The following FAM133B variants were observed in gnomAD, a reference collection of about 807,000 sequenced individuals.
The protein encoded by FAM133B is family with sequence similarity 133 member B.
Under a neutral mutation model 46.4 loss-of-function variants are expected in FAM133B, and 25 were observed. The ratio of observed to expected loss-of-function variants is 0.54; its 90% confidence interval spans 0.39 to 0.75. The LOEUF is 0.75. Among genes scored for constraint, FAM133B ranks in the 30% least tolerant of loss-of-function variants. FAM133B has a pLI of 0.00. For synonymous variants in FAM133B, 75 were observed against 86.0 expected (o/e 0.87, Z 0.71); for missense variants, 205 against 277.6 (o/e 0.74, Z 1.86).
At chr7:92,571,771 T>C (rs893548041) in intron 8 of FAM133B, among the ~76,000 whole-genome samples, 1 of 152,230 alleles carries the variant, frequency 6.6e-6, no homozygotes, top group Non-Finnish European at 1.5e-5. Flanking sequence ...GTACTAGTAC[T>C]GCACTGTGTT....
At chr7:92,590,019 A>T (rs1312801113) in intron 1 of FAM133B, 1 of 589,778 alleles carries the variant, frequency 1.7e-6, no homozygotes, top group Non-Finnish European at 3.0e-6. Context: ...AGTGCAAACC[A>T]GCAGCGCCAG....
chr7:92,585,874 C>G (rs1795023896), intron 1 of FAM133B, among the ~76,000 whole-genome samples: 1 of 152,008 alleles, frequency 6.6e-6, no homozygotes, highest in Non-Finnish European at 1.5e-5. Flanking sequence ...GACAAAAATC[C>G]AACCACAATA....
rs1258023272 is a variant in FAM133B, at chr7:92,562,359, T to C, written c.667A>G (p.Lys223Glu). The C allele has an allele frequency of 2.0e-6, 3 of 1,532,090 alleles. No individual in the cohort carries two copies. Among genetic ancestry groups the C allele is most frequent in the African/African-American group, 2.8e-5 (2 of 72,612 alleles). The allele number at this position is 1,532,090 out of a possible 1,614,324, so 94.9% of individuals were successfully genotyped here. A position where few individuals can be genotyped will look rare whatever the true frequency, so the allele number is the denominator to read the frequency against. Residue 223 changes from lysine (K) to glutamate (E), a missense_variant, in exon 11 of 11, where the codon AAA (lysine) becomes GAA (glutamate). Physicochemically the swap from Lys to Glu is moderately conservative, Grantham distance 56. Coordinates refer to ENST00000445716, the MANE Select transcript of FAM133B (RefSeq NM_152789.4). ...EEREKATEKT[K>E]KKKKHKKHSK... ...TGTTTCTTATGCTTCTTTTTCTTTT[T>C]TGTTTTTTCCTGTAAAGATAATTCC...
chr7:92,566,932 C>T (rs1434686028), intron 9 of FAM133B, among the ~76,000 whole-genome samples: 4 of 152,020 alleles, frequency 2.6e-5, no homozygotes, highest in Non-Finnish European at 4.4e-5. Context: ...AAACTGAGGC[C>T]GGGGGCAGCG....
At chr7:92,580,125 A>C (rs1371982618) in intron 2 of FAM133B, among the ~76,000 whole-genome samples, 1 of 151,988 alleles carries the variant, frequency 6.6e-6, no homozygotes, top group Non-Finnish European at 1.5e-5. Flanking sequence ...CCAAGCTAGA[A>C]TGTAGTGGCA....
intron 8 of FAM133B, among the ~76,000 whole-genome samples, chr7:92,570,409 A>G (rs1224438347): frequency 6.6e-6 from 1 of 152,114 alleles, no homozygotes; most frequent in Non-Finnish European, 1.5e-5. Context: ...AATGTTGAAA[A>G]AGTGAGTAAC....
chr7:92,577,268 C>T (rs970774220), intron 6 of FAM133B, 73 bp from the exon 7 acceptor site: 2 of 1,050,082 alleles, frequency 1.9e-6, no homozygotes, highest in African/African-American at 3.3e-5. Context: ...TAATATAAAA[C>T]TTTTATCAGT....
Position 92,561,176 on chromosome 7 carries a change from TG to T in FAM133B, c.*1105del, listed in dbSNP as rs1425746875. On this transcript the variant is annotated 3_prime_UTR_variant, in exon 11 of 11. Transcript: ENST00000445716. ...CCAGGCTTGCCACTCAACTTGTTAT[TG>T]TAAGTCTCAGCTTCAATATGAAGCC... 2.7e-5 allele frequency: 4 copies of T among 149,404 alleles called. No homozygotes were observed. Among genetic ancestry groups the T allele is most frequent in the Non-Finnish European group, 5.9e-5 (4 of 67,380 alleles). The allele number at this position is 149,404 out of a possible 1,614,324, so 9.3% of individuals were successfully genotyped here. A position where few individuals can be genotyped will look rare whatever the true frequency, so the allele number is the denominator to read the frequency against.
chr7:92,570,526 A>G (rs1794497080), intron 8 of FAM133B, among the ~76,000 whole-genome samples: 1 of 152,134 alleles, frequency 6.6e-6, no homozygotes, highest in Admixed American at 6.5e-5. Flanking sequence ...AAGTGTAACA[A>G]AATGTTAAGA....
chr7:92,580,526 G>T (rs901638149), intron 2 of FAM133B, among the ~76,000 whole-genome samples: 2 of 152,202 alleles, frequency 1.3e-5, no homozygotes, highest in African/African-American at 2.4e-5. Flanking sequence ...TCCTTACTAA[G>T]GGCATTAAGT....
intron 1 of FAM133B, 80 bp downstream of exon 1, chr7:92,590,188 C>A (rs1278708817): frequency 6.2e-7 from 1 of 1,609,026 alleles, no homozygotes; most frequent in Non-Finnish European, 8.5e-7. Context: ...CCCTCCGGCC[C>A]GGCCGGGAAC....
chr7:92,580,582 C>G (rs1794838232), intron 2 of FAM133B, among the ~76,000 whole-genome samples: 1 of 152,230 alleles, frequency 6.6e-6, no homozygotes, highest in Non-Finnish European at 1.5e-5. Context: ...AAAGCCTGTT[C>G]CGGGACTTAC....
At chr7:92,590,218 C>G in intron 1 of FAM133B, 50 bp downstream of exon 1, 6 of 1,613,388 alleles carry the variant, frequency 3.7e-6, no homozygotes, top group Non-Finnish European at 5.1e-6. Flanking sequence ...TCTCGCTGTC[C>G]TGCCGCCGGG....
intron 1 of FAM133B, among the ~76,000 whole-genome samples, chr7:92,587,888 T>C (rs982387815): frequency 1.3e-5 from 2 of 152,140 alleles, no homozygotes; most frequent in Admixed American, 6.5e-5. Context: ...ATGTTCATAA[T>C]GGGGAGGCTA....
Position 92,566,195 on chromosome 7 carries a change from A to T in FAM133B, c.610-134T>A. 3 of 755,106 alleles carry T rather than the reference A, an allele frequency of 4.0e-6. No homozygotes were observed. In the South Asian group the frequency reaches 5.2e-5, roughly 13 times the overall value. 46.8% of individuals were successfully genotyped at this position (755,106 alleles called of 1,614,324 possible). A position where few individuals can be genotyped will look rare whatever the true frequency, so the allele number is the denominator to read the frequency against. On this transcript the variant is annotated intron_variant, in intron 9 of 10. Coordinates refer to ENST00000445716, the MANE Select transcript of FAM133B (RefSeq NM_152789.4). ...ACATTTTGACAATCACAGGACATTT[A>T]AAATAACTCCTGTTATATCTCAATG...
At chr7:92,588,034 A>G (rs1795086199) in intron 1 of FAM133B, among the ~76,000 whole-genome samples, 1 of 152,204 alleles carries the variant, frequency 6.6e-6, no homozygotes, top group Admixed American at 6.5e-5. Context: ...TGAGTGTCAG[A>G]TGACTGAAGT....
chr7:92,565,960 T>C (rs773647103), intron 10 of FAM133B, 54 bp downstream of exon 10: 1 of 1,577,380 alleles, frequency 6.3e-7, no homozygotes, highest in Non-Finnish European at 8.7e-7. Context: ...ACTCATTTTA[T>C]ATTAAACCAA....
chr7:92,581,794 T>TTGTGTGTGTG (rs10578440), intron 1 of FAM133B, 191 bp from the exon 2 acceptor site: 1 of 315,304 alleles, frequency 3.2e-6, no homozygotes, highest in Non-Finnish European at 6.0e-6. Context: ...TGGGAGAAAA[T>TTGTGTGTGTG]TGTGTGTGTG....
intron 9 of FAM133B, among the ~76,000 whole-genome samples, chr7:92,568,361 T>C (rs1051521450): frequency 6.6e-6 from 1 of 152,014 alleles, no homozygotes; most frequent in Non-Finnish European, 1.5e-5. Flanking sequence ...TGTTACAGCA[T>C]TGACTGATTG....
Sources: allele counts gnomAD v4.1 joint callset (sites outside exome capture counted in the v4.1 genomes callset), GRCh38; gene constraint gnomAD v4.1.1; transcripts MANE v1.5; gene names NCBI Gene and HGNC (gene_info 2026-07-23, HGNC 2026-07-21).